Variants in STX4 observed in about 807,000 individuals in gnomAD.
STX4 encodes the protein syntaxin 4.
In STX4, 24 loss-of-function variants were observed where a neutral mutation model predicts 41.8. That is an observed-to-expected ratio of 0.57 (90% confidence interval 0.42 to 0.81). STX4 has a LOEUF of 0.81. Ranked by LOEUF, STX4 falls within the 30% of genes least tolerant of loss-of-function variation. The probability of loss-of-function intolerance (pLI) is 0.00; values close to 1 mark genes in which losing one functional copy is unlikely to be tolerated. For missense variants in STX4, 316 were observed against 389.9 expected (o/e 0.81, Z 1.60); for synonymous variants, 158 against 156.4 (o/e 1.01, Z -0.08).
Position 31,034,005 on chromosome 16 carries a change from C to T in STX4, c.31-8C>T. ...AAACGGTGGTGCCAATGACTCCGGGCCTGGCAGGGGGATGACAGCTCGGAC... is the reference window on the plus strand; with the variant it reads ...AAACGGTGGTGCCAATGACTCCGGGTCTGGCAGGGGGATGACAGCTCGGAC... On this transcript the variant is annotated splice_region_variant and splice_polypyrimidine_tract_variant and intron_variant, in intron 1 of 10. Coordinates refer to ENST00000313843, the MANE Select transcript of STX4 (RefSeq NM_004604.5). 2 of 1,582,634 alleles carry T rather than the reference C, an allele frequency of 1.3e-6. No homozygotes were observed. The highest frequency in any genetic ancestry group is 2.3e-5 in the East Asian group (1 of 44,218).
intron 5 of STX4, among the ~76,000 whole-genome samples, chr16:31,036,113 G>C (rs1477999324): frequency 6.6e-6 from 1 of 152,006 alleles, no homozygotes. Flanking sequence ...GATTTGCAGT[G>C]ATCTGACTGG....
chr16:31,037,533 G>T (rs1209977770), intron 5 of STX4, among the ~76,000 whole-genome samples: 1 of 151,000 alleles, frequency 6.6e-6, no homozygotes, highest in Non-Finnish European at 1.5e-5. Flanking sequence ...GGTGGCGCGT[G>T]CCTGTAGTCC....
At position 31,038,739 on chromosome 16, in the gene STX4, G is replaced by A. The variant is rs111835354; in HGVS notation, c.702+92G>A. ...CTTAGATTCTCTCCCTGAGGCTTTT[G>A]TGTCTTCCAGGTTTGGCCATGCCCC... On this transcript the variant is annotated intron_variant, in intron 8 of 10. Coordinates refer to ENST00000313843, the MANE Select transcript of STX4 (RefSeq NM_004604.5). 66 of 1,520,238 alleles carry A rather than the reference G, an allele frequency of 4.3e-5. 1 individual carries two copies. In the African/African-American group the frequency reaches 4.5e-4, roughly 10 times the overall value. The allele number at this position is 1,520,238 out of a possible 1,614,324, so 94.2% of individuals were successfully genotyped here. A position where few individuals can be genotyped will look rare whatever the true frequency, so the allele number is the denominator to read the frequency against.
Position 31,040,020 on chromosome 16 carries a change from G to A in STX4, c.*124G>A. The A allele has an allele frequency of 1.7e-6, 1 of 598,702 alleles. No individual in the cohort carries two copies. Among genetic ancestry groups the A allele is most frequent in the Non-Finnish European group, 3.0e-6 (1 of 337,316 alleles). The allele number at this position is 598,702 out of a possible 1,614,324, so 37.1% of individuals were successfully genotyped here. A position where few individuals can be genotyped will look rare whatever the true frequency, so the allele number is the denominator to read the frequency against. On this transcript the variant is annotated 3_prime_UTR_variant, in exon 11 of 11. Coordinates refer to ENST00000313843, the MANE Select transcript of STX4 (RefSeq NM_004604.5). The stretch of plus-strand genomic sequence containing the variant: ...TCCTCACACTGGCCCCTATGCAGAA[G>A]GGCAGACAGTTCTTCTGGGGTTGGC...
intron 5 of STX4, 75 bp downstream of exon 5, chr16:31,035,115 G>A (rs1435592180): frequency 7.8e-7 from 1 of 1,276,152 alleles, no homozygotes; most frequent in Admixed American, 2.1e-5. Context: ...GTGTATGAAG[G>A]AAGGGCCTGC....
Position 31,037,215 on chromosome 16 carries a change from C to T in STX4, c.379-711C>T, listed in dbSNP as rs573473306. On this transcript the variant is annotated intron_variant, in intron 5 of 10. Coordinates refer to ENST00000313843, the MANE Select transcript of STX4 (RefSeq NM_004604.5). ...AGTAGCTGGGACTACAGGCGCCCAC[C>T]ACTGCACCAAGCTAATTTCTGTACT... is the stretch of plus-strand genomic sequence containing the variant. Among the ~76,000 whole-genome samples, 6 of 151,746 alleles carry T rather than the reference C, an allele frequency of 4.0e-5. No individual in the cohort carries two copies. In the South Asian group the frequency reaches 8.3e-4, roughly 21 times the overall value.
At chr16:31,034,351 G>A in intron 3 of STX4, 26 bp downstream of exon 3, 2 of 1,613,440 alleles carry the variant, frequency 1.2e-6, no homozygotes, top group Non-Finnish European at 1.7e-6. Flanking sequence ...GCTGCAGGGC[G>A]CATGCTCCGC....
rs748877421 is a variant in STX4 at position 31,034,122 on chromosome 16, G to T, written c.132+8G>T. ...GAGGAGTTCTTCCACAAGGTAAGGG[G>T]CTGGGGTCTCCGCCTGGATTCGCGA... is the stretch of plus-strand genomic sequence containing the variant. On this transcript the variant is annotated splice_region_variant and intron_variant, in intron 2 of 10. Coordinates refer to ENST00000313843, the MANE Select transcript of STX4 (RefSeq NM_004604.5). 1.2e-6 allele frequency: 2 copies of T among 1,609,010 alleles called. No individual in the cohort carries two copies. The highest frequency in any genetic ancestry group is 3.4e-5 in the Admixed American group (2 of 59,616).
upstream of STX4, chr16:31,033,305 C>T (rs983017254): frequency 4.1e-6 from 3 of 729,154 alleles, no homozygotes; most frequent in South Asian, 3.0e-5. This position sits in a 1 kb window ranked among gnomAD's most constrained non-coding sequence, Gnocchi z 5.5. Context: ...TCACGTGACG[C>T]GGTGGGGGCA....
chr16:31,037,434 G>C (rs1296026688), intron 5 of STX4, among the ~76,000 whole-genome samples: 1 of 151,348 alleles, frequency 6.6e-6, no homozygotes, highest in East Asian at 2.0e-4. Context: ...GGCCGAGGCA[G>C]GTGGATCACA....
intron 7 of STX4, 115 bp from the exon 8 acceptor site, chr16:31,038,395 G>T: frequency 1.4e-6 from 2 of 1,469,928 alleles, no homozygotes; most frequent in Non-Finnish European, 1.9e-6. Context: ...TAATTAGCCT[G>T]CCTGGAGTCA....
Position 31,039,765 on chromosome 16 carries a change from C to T in STX4, c.856C>T (p.Leu286Phe). 4 of 1,614,240 alleles carry T rather than the reference C, an allele frequency of 2.5e-6. No homozygotes were observed. Among genetic ancestry groups the T allele is most frequent in the Non-Finnish European group, 3.4e-6 (4 of 1,180,044 alleles). The change falls in exon 10 of 11, where the codon CTC becomes TTC. Residue 286 changes from leucine (L) to phenylalanine (F), a missense_variant. By Grantham distance (22) the Leu-to-Phe change is conservative. Transcript: ENST00000313843. This position sits in a 1 kb window ranked among gnomAD's most constrained non-coding sequence, Gnocchi z 4.1. ...IAICVSITVV[L>F]LAVIIGVTVV... is the part of the protein sequence containing the mutation. Reference sequence around the variant, plus strand: ...CATCTGTGTGTCCATCACCGTCGTCCTCCTAGCAGTCATCATTGGCGTCAC... The same window carrying T: ...CATCTGTGTGTCCATCACCGTCGTCTTCCTAGCAGTCATCATTGGCGTCAC...
intron 4 of STX4, 119 bp from the exon 5 acceptor site, chr16:31,034,851 G>A: frequency 2.0e-6 from 2 of 984,930 alleles, no homozygotes; most frequent in South Asian, 3.9e-5. Context: ...GTAATGCAAA[G>A]AAAAATAAAC....
In STX4 at chr16:31,033,960, G is replaced by T; in HGVS notation, c.31-53G>T. The T allele has an allele frequency of 1.3e-6, 2 of 1,504,312 alleles. No individual in the cohort carries two copies. Among genetic ancestry groups the T allele is most frequent in the Non-Finnish European group, 1.8e-6 (2 of 1,122,606 alleles). The allele number at this position is 1,504,312 out of a possible 1,614,324, so 93.2% of individuals were successfully genotyped here. On this transcript the variant is annotated intron_variant, in intron 1 of 10. Coordinates refer to ENST00000313843, the MANE Select transcript of STX4 (RefSeq NM_004604.5). This position sits in a 1 kb window ranked among gnomAD's most constrained non-coding sequence, Gnocchi z 5.5. The stretch of plus-strand genomic sequence containing the variant: ...AAAGTCCCGGAAGCCTGTGGGTCCT[G>T]CGGGGTAAGAGCCGCAGCGAAACGG...
In STX4 at chr16:31,039,885, A is replaced by T. The variant is rs528546531; in HGVS notation, c.*16-27A>T. Reference sequence around the variant, plus strand: ...GCCCCAGCCCTCCCTCCTCCCTCAGACCCTGTTCTCCCTCCTTTCCTTACA... The same window carrying T: ...GCCCCAGCCCTCCCTCCTCCCTCAGTCCCTGTTCTCCCTCCTTTCCTTACA... On this transcript the variant is annotated intron_variant, in intron 10 of 10. Transcript: ENST00000313843. This position sits in a 1 kb window ranked among gnomAD's most constrained non-coding sequence, Gnocchi z 4.1. 7.2e-5 allele frequency: 107 copies of T among 1,494,752 alleles called. No homozygotes were observed. In the South Asian group the frequency reaches 1.2e-3, roughly 16 times the overall value. 92.6% of individuals were successfully genotyped at this position (1,494,752 alleles called of 1,614,324 possible).
chr16:31,037,315 C>T (rs1191802370), intron 5 of STX4, among the ~76,000 whole-genome samples: 2 of 151,238 alleles, frequency 1.3e-5, no homozygotes, highest in Non-Finnish European at 2.9e-5. Flanking sequence ...CCACCTGCCT[C>T]AGCCTCCCAA....
chr16:31,039,927 G>A lies in STX4; in HGVS notation c.*31G>A. The A allele has an allele frequency of 8.7e-7, 1 of 1,146,364 alleles. No individual in the cohort carries two copies. Among genetic ancestry groups the A allele is most frequent in the Non-Finnish European group, 1.3e-6 (1 of 782,332 alleles). 71.0% of individuals were successfully genotyped at this position (1,146,364 alleles called of 1,614,324 possible). A position where few individuals can be genotyped will look rare whatever the true frequency, so the allele number is the denominator to read the frequency against. ...TTCCTTACAGGCACTAGGAGCACCA[G>A]GAACCCAGGGCCTGGCCTTCTCTCC... is the stretch of plus-strand genomic sequence containing the variant. On this transcript the variant is annotated 3_prime_UTR_variant, in exon 11 of 11. Coordinates refer to ENST00000313843, the MANE Select transcript of STX4 (RefSeq NM_004604.5). This position sits in a 1 kb window ranked among gnomAD's most constrained non-coding sequence, Gnocchi z 4.1.
At chr16:31,033,324 T>G (rs2056768587), upstream of STX4, 4 of 753,016 alleles carry the variant, frequency 5.3e-6, no homozygotes, top group Non-Finnish European at 9.5e-6. The surrounding 1 kb of genome is among the most constrained non-coding windows in gnomAD (Gnocchi z 5.5). Context: ...CACCATGGGG[T>G]GATGTGAGAT....
chr16:31,034,228 C>G lies in STX4; in HGVS notation c.135C>G (p.Val45=). 6.2e-7 allele frequency: 1 copy of G among 1,614,160 alleles called. No homozygotes were observed. The highest frequency in any genetic ancestry group is 8.5e-7 in the Non-Finnish European group (1 of 1,180,026). ...GCCCTCTCGGTCACCCTCCCCAGGT[C>G]CGGACAATTCGGCAGACTATTGTCA... is the stretch of plus-strand genomic sequence containing the variant. ...GSPDEEFFHK[V]RTIRQTIVKL... is the part of the protein sequence containing the mutation. Residue 45 remains valine, a splice_region_variant and synonymous_variant, in exon 3 of 11, where the codon GTC becomes GTG. Coordinates refer to ENST00000313843, the MANE Select transcript of STX4 (RefSeq NM_004604.5).
Sources: allele counts gnomAD v4.1 joint callset (sites outside exome capture counted in the v4.1 genomes callset), GRCh38; gene constraint gnomAD v4.1.1; non-coding constraint Gnocchi (gnomAD v3.1); transcripts MANE v1.5; gene names NCBI Gene and HGNC (gene_info 2026-07-23, HGNC 2026-07-21).